Variants in PWWP3B observed in about 807,000 individuals in gnomAD.
PWWP3B encodes the protein PWWP domain-containing DNA repair factor 3B.
A neutral mutation model predicts 15.7 loss-of-function variants in PWWP3B; 5 were observed. That is an observed-to-expected ratio of 0.32 (90% CI 0.17 to 0.67). The LOEUF (loss-of-function observed/expected upper bound fraction) is 0.67. Among genes scored for constraint, PWWP3B ranks in the 30% least tolerant of loss-of-function variants. The pLI, the probability that PWWP3B is intolerant of heterozygous loss-of-function variation, is 0.74. For synonymous variants in PWWP3B, 203 were observed against 179.8 expected (o/e 1.13, Z -1.03); for missense variants, 519 against 493.1 (o/e 1.05, Z -0.50).
Position 106,168,365 on chromosome X carries a change from A to G in PWWP3B, c.-589A>G, listed in dbSNP as rs1921441521. On this transcript the variant is annotated 5_prime_UTR_variant, in exon 1 of 4. Transcript: ENST00000357175. ...CGGAGGCTTCCGTGGAGAAGCTTGG[A>G]GGTAATGGCTGTCGTAAATGCTAGT... 8.9e-6 allele frequency: 1 copy of G among 111,818 alleles called. No individual in the cohort carries two copies. Among genetic ancestry groups the G allele is most frequent in the Non-Finnish European group, 1.9e-5 (1 of 53,187 alleles). 9.2% of individuals were successfully genotyped at this position (111,818 alleles called of 1,213,427 possible). A position where few individuals can be genotyped will look rare whatever the true frequency, so the allele number is the denominator to read the frequency against.
chrX:106,195,784 C>T (rs1923342542), intron 2 of PWWP3B, among the ~76,000 whole-genome samples: 1 of 111,816 alleles, frequency 8.9e-6, no homozygotes, highest in Admixed American at 9.5e-5. Flanking sequence ...TTCCTTTGCT[C>T]TTTCCACATA....
chrX:106,199,034 G>A (rs1923541970), intron 2 of PWWP3B, among the ~76,000 whole-genome samples: 1 of 103,776 alleles, frequency 9.6e-6, no homozygotes. Flanking sequence ...TAAGAATTTT[G>A]TTATTTTCAT....
At chrX:106,171,333 A>G (rs961839101) in intron 2 of PWWP3B, among the ~76,000 whole-genome samples, 194 bp downstream of exon 2, 3 of 111,741 alleles carry the variant, frequency 2.7e-5, no homozygotes, top group East Asian at 5.6e-4. Context: ...TACAGCTATC[A>G]TGTTTGTAAT....
rs1409478496 is a variant in PWWP3B at position 106,206,599 on chromosome X, G to A, written c.1167G>A (p.Pro389=). The change falls in exon 4 of 4, where the codon CCG becomes CCA. Residue 389 remains proline (P), a synonymous_variant. Coordinates refer to ENST00000357175, the MANE Select transcript of PWWP3B (RefSeq NM_001171020.2). The part of the protein sequence containing the change: ...PRFILHYETH[P]FETGMIVWFK... Reference sequence around the variant, plus strand: ...TCATTTTACATTATGAGACACATCCGTTTGAAACAGGAATGATAGTCTGGT... The same window carrying A: ...TCATTTTACATTATGAGACACATCCATTTGAAACAGGAATGATAGTCTGGT... 20 of 1,208,371 alleles carry A rather than the reference G, an allele frequency of 1.7e-5. No homozygotes were observed. The highest frequency in any genetic ancestry group is 2.3e-4 in the Middle Eastern group (1 of 4,370).
At chrX:106,190,150 A>T (rs1235982094) in intron 2 of PWWP3B, among the ~76,000 whole-genome samples, 1 of 111,483 alleles carries the variant, frequency 9.0e-6, no homozygotes, top group African/African-American at 3.3e-5. Flanking sequence ...ACTAGTTGAC[A>T]GTCCCACCAA....
chrX:106,193,953 C>T (rs1923188189), intron 2 of PWWP3B, among the ~76,000 whole-genome samples: 1 of 111,979 alleles, frequency 8.9e-6, no homozygotes. Flanking sequence ...CCTCACCTTT[C>T]TTTCTGGCTG....
chrX:106,195,699 C>T (rs1339748675), intron 2 of PWWP3B, among the ~76,000 whole-genome samples: 1 of 111,776 alleles, frequency 8.9e-6, no homozygotes, highest in African/African-American at 3.2e-5. Flanking sequence ...TCTTAATTAC[C>T]ATAGCCTTGA....
rs762824258 is a variant in PWWP3B at position 106,205,838 on chromosome X, A to C, written c.406A>C (p.Lys136Gln). ...TTCACCCCCTCATAAAAAATACCGGAAGGATGAAGGTGACTTACCAGGGTG... is the reference window on the plus strand; with the variant it reads ...TTCACCCCCTCATAAAAAATACCGGCAGGATGAAGGTGACTTACCAGGGTG... ...SDSPPHKKYR[K>Q]DEGDLPGCLE... is the part of the protein sequence containing the mutation. The change falls in exon 4 of 4, where the codon AAG (lysine) becomes CAG (glutamine). Residue 136 changes from lysine to glutamine, a missense_variant. By Grantham distance (53) the Lys-to-Gln change is moderately conservative. Coordinates refer to ENST00000357175, the MANE Select transcript of PWWP3B (RefSeq NM_001171020.2). 1 of 1,211,425 alleles carries C rather than the reference A, an allele frequency of 8.3e-7. No individual in the cohort carries two copies. The highest frequency in any genetic ancestry group is 2.2e-5 in the Admixed American group (1 of 45,976).
intron 2 of PWWP3B, among the ~76,000 whole-genome samples, chrX:106,192,964 A>G (rs1923097134): frequency 2.7e-5 from 3 of 111,465 alleles, no homozygotes; most frequent in Admixed American, 9.5e-5. Flanking sequence ...ACTTCCAACT[A>G]TGTGGTCAAT....
In PWWP3B at chrX:106,193,368, C is replaced by CT. The variant is rs1002807291; in HGVS notation, c.-400-10610dup. On this transcript the variant is annotated intron_variant, in intron 2 of 3. Transcript: ENST00000357175. ...CCGAGACTAGGATTGCAATCCCTGC[C>CT]TTTTTTTGTTTTCCATTTGCTTTGT... Among the ~76,000 whole-genome samples the CT allele has an allele frequency of 1.2e-4, 13 of 111,134 alleles. No homozygotes were observed. The East Asian group carries it at 1.7e-3, about 14-fold the overall frequency.
intron 2 of PWWP3B, among the ~76,000 whole-genome samples, chrX:106,202,462 A>G (rs780625329): frequency 1.8e-5 from 2 of 112,063 alleles, no homozygotes; most frequent in Admixed American, 9.5e-5. Context: ...ATAAACACAC[A>G]TAGACACACA....
intron 2 of PWWP3B, among the ~76,000 whole-genome samples, chrX:106,196,197 A>G (rs1399084600): frequency 9.0e-6 from 1 of 111,545 alleles, no homozygotes; most frequent in African/African-American, 3.3e-5. Flanking sequence ...TGGTAGCTCC[A>G]TTGGGATTTT....
intron 2 of PWWP3B, among the ~76,000 whole-genome samples, chrX:106,176,198 A>G (rs748761826): frequency 9.0e-6 from 1 of 111,461 alleles, no homozygotes; most frequent in East Asian, 2.8e-4. Flanking sequence ...GGTTCAAGTC[A>G]TTCTCCCACC....
chrX:106,173,073 C>A (rs1921704958), intron 2 of PWWP3B, among the ~76,000 whole-genome samples: 1 of 111,977 alleles, frequency 8.9e-6, no homozygotes, highest in Non-Finnish European at 1.9e-5. Context: ...AAACTTAATT[C>A]TTTCCCAGCA....
At position 106,205,716 on chromosome X, in the gene PWWP3B, G is replaced by A. The variant is rs12392298; in HGVS notation, c.284G>A (p.Gly95Asp). The change falls in exon 4 of 4, where the codon GGT (glycine) becomes GAT (aspartate). Residue 95 changes from glycine to aspartate, a missense_variant. Gly to Asp is a moderately conservative substitution (Grantham distance 94). Transcript: ENST00000357175. ...AYGRSLKVAL[G>D]ILNERTNLSQ... Reference sequence around the variant, plus strand: ...GGAAGATCACTAAAAGTGGCACTGGGTATTCTGAATGAGAGAACAAATTTG... The same window carrying A: ...GGAAGATCACTAAAAGTGGCACTGGATATTCTGAATGAGAGAACAAATTTG... 1.4e-3 allele frequency: 1,713 copies of A among 1,210,096 alleles called. 3 individuals are homozygous for A. The highest frequency in any genetic ancestry group is 6.0e-3 in the Middle Eastern group (26 of 4,353).
chrX:106,207,002 G>A lies in PWWP3B; in HGVS notation c.1570G>A (p.Glu524Lys), dbSNP rs1457667178. 1.7e-6 allele frequency: 2 copies of A among 1,210,174 alleles called. No individual in the cohort carries two copies. The highest frequency in any genetic ancestry group is 2.3e-4 in the Middle Eastern group (1 of 4,344). Residue 524 changes from glutamate (E) to lysine (K), a missense_variant, in exon 4 of 4, where the codon GAA becomes AAA. By Grantham distance (56) the Glu-to-Lys change is moderately conservative. Transcript: ENST00000357175. ...AAAGCTGCATAATGAAGATGCCAGG[G>A]AACCGATGGCTGTAACTTCCCAGAC... ...FPKLHNEDAR[E>K]PMAVTSQTKK...
intron 2 of PWWP3B, among the ~76,000 whole-genome samples, chrX:106,202,576 G>A (rs950951648): frequency 2.7e-5 from 3 of 111,739 alleles, no homozygotes; most frequent in Middle Eastern, 4.6e-3. Context: ...AGGCCTGCAT[G>A]TGTCCTCCCT....
intron 2 of PWWP3B, among the ~76,000 whole-genome samples, chrX:106,191,137 G>C (rs1922922056): frequency 9.1e-6 from 1 of 110,197 alleles, no homozygotes; most frequent in East Asian, 2.9e-4. Flanking sequence ...ACCTTGGGCA[G>C]TATGGCCATT....
chrX:106,206,921 A>G lies in PWWP3B; in HGVS notation c.1489A>G (p.Ile497Val). Residue 497 changes from isoleucine to valine, a missense_variant, in exon 4 of 4, where the codon ATT (isoleucine) becomes GTT (valine). Transcript: ENST00000357175. ...TTTGCTTGAGTATTATGCTGCTGATATTAGTTACCCAGTTAGGAAAGAAAC... is the reference window on the plus strand; with the variant it reads ...TTTGCTTGAGTATTATGCTGCTGATGTTAGTTACCCAGTTAGGAAAGAAAC... ...GSLLEYYAAD[I>V]SYPVRKETKQ... 5.0e-6 allele frequency: 6 copies of G among 1,211,356 alleles called. No individual in the cohort carries two copies. The highest frequency in any genetic ancestry group is 6.7e-6 in the Non-Finnish European group (6 of 895,375).
Sources: allele counts gnomAD v4.1 joint callset (sites outside exome capture counted in the v4.1 genomes callset), GRCh38; gene constraint gnomAD v4.1.1; transcripts MANE v1.5; gene names NCBI Gene and HGNC (gene_info 2026-07-23, HGNC 2026-07-21).